The following PRELID2 variants were observed in gnomAD, a reference collection of about 807,000 sequenced individuals.
The protein encoded by PRELID2 is PRELI domain-containing protein 2.
A neutral mutation model predicts 28.4 loss-of-function variants in PRELID2; 25 were observed. The ratio of observed to expected loss-of-function variants is 0.88; its 90% CI spans 0.64 to 1.23. PRELID2 has a LOEUF of 1.23. PRELID2 is among the 50% of genes most tolerant of loss of function. The pLI, the probability that PRELID2 is intolerant of heterozygous loss-of-function variation, is 0.00. For missense variants in PRELID2, 201 were observed against 214.4 expected, an observed-to-expected ratio of 0.94 and a Z score of 0.39; for synonymous variants, 76 against 71.6, an observed-to-expected ratio of 1.06 and a Z score of -0.31.
At chr5:145,587,465 G>C (rs971572681) in intron 1 of PRELID2, among the ~76,000 whole-genome samples, 1 of 152,074 alleles carries the variant, frequency 6.6e-6, no homozygotes, top group Non-Finnish European at 1.5e-5. Context: ...AACATCTGCT[G>C]ACAGGGCATA....
intron 1 of PRELID2, among the ~76,000 whole-genome samples, chr5:145,554,474 C>T (rs776003297): frequency 1.1e-4 from 16 of 152,202 alleles, no homozygotes; most frequent in Admixed American, 4.6e-4. Flanking sequence ...GTGATAGAAG[C>T]TGCACTCAGA....
intron 1 of PRELID2, among the ~76,000 whole-genome samples, chr5:145,608,380 C>T (rs112446765): frequency 3.1e-4 from 47 of 152,230 alleles, no homozygotes; most frequent in African/African-American, 1.1e-3. Flanking sequence ...TGGCTGGTAA[C>T]AGTCTTTCTT....
At chr5:145,463,702 A>T in the PRELID2 span, among the ~76,000 whole-genome samples, 1 of 152,312 alleles carries the variant, frequency 6.6e-6, no homozygotes, top group African/African-American at 2.4e-5. Context: ...AGAAGCCTAC[A>T]GGGGCCTGAA....
At chr5:145,405,702 GTT>G in the PRELID2 span, among the ~76,000 whole-genome samples, 9 of 54,624 alleles carry the variant, frequency 1.6e-4, no homozygotes, top group East Asian at 4.8e-4. Flanking sequence ...CCACATAGTT[GTT>G]TTTTTTTTTT....
At chr5:145,349,692 T>C in the PRELID2 span, among the ~76,000 whole-genome samples, 1 of 152,168 alleles carries the variant, frequency 6.6e-6, no homozygotes, top group Admixed American at 6.6e-5. Context: ...TATAATAGCA[T>C]ACATTAAAGA....
the PRELID2 span, among the ~76,000 whole-genome samples, chr5:145,267,307 C>T: frequency 9.9e-4 from 150 of 152,192 alleles, 1 homozygote; most frequent in Non-Finnish European, 1.9e-3. Context: ...TTTCCCAGCC[C>T]ACTGACCCAA....
chr5:145,262,075 C>A, the PRELID2 span, among the ~76,000 whole-genome samples: 1 of 152,138 alleles, frequency 6.6e-6, no homozygotes, highest in East Asian at 1.9e-4. Context: ...GCAATAGAAT[C>A]AAACAAGTAG....
rs1756252091 is a variant in PRELID2, at chr5:145,728,808, A to G, written n.70+36123T>C. On this transcript the variant is annotated intron_variant and non_coding_transcript_variant, in intron 1 of 2. Coordinates refer to the PRELID2 transcript ENST00000510259. ...GGAGTAGAAGTTGTACGTTCCAATC[A>G]TAAAGGCCACAAACACCATAATGAA... 3 of 1,053,130 alleles carry G rather than the reference A, an allele frequency of 2.8e-6. No homozygotes were observed. The East Asian group carries it at 7.1e-5, about 25-fold the overall frequency. 65.2% of individuals were successfully genotyped at this position (1,053,130 alleles called of 1,614,324 possible).
chr5:145,578,572 G>C (rs567705050), intron 1 of PRELID2, among the ~76,000 whole-genome samples: 1 of 152,226 alleles, frequency 6.6e-6, no homozygotes, highest in African/African-American at 2.4e-5. Flanking sequence ...GGCAGTCCCT[G>C]CTGGAGAAAG....
intron 1 of PRELID2, among the ~76,000 whole-genome samples, chr5:145,571,758 G>C (rs1753016828): frequency 6.6e-6 from 1 of 152,084 alleles, no homozygotes; most frequent in Non-Finnish European, 1.5e-5. Flanking sequence ...GAGGCAGGTG[G>C]ATCACAAGAT....
the PRELID2 span, among the ~76,000 whole-genome samples, chr5:145,325,689 T>A: frequency 6.6e-6 from 1 of 152,170 alleles, no homozygotes; most frequent in African/African-American, 2.4e-5. Context: ...CAAACTTTGG[T>A]CTTCTAACCT....
intron 1 of PRELID2, among the ~76,000 whole-genome samples, chr5:145,701,944 G>C (rs912977168): frequency 6.6e-6 from 1 of 151,934 alleles, no homozygotes; most frequent in Non-Finnish European, 1.5e-5. Context: ...CCAGGTACTC[G>C]GGAGGCCAAG....
At chr5:145,718,035 T>G (rs966368625) in intron 1 of PRELID2, among the ~76,000 whole-genome samples, 1 of 152,030 alleles carries the variant, frequency 6.6e-6, no homozygotes, top group African/African-American at 2.4e-5. Flanking sequence ...TAATTGAAGT[T>G]CGTGGAAAGC....
At chr5:145,247,630 A>G in the PRELID2 span, among the ~76,000 whole-genome samples, 1 of 152,142 alleles carries the variant, frequency 6.6e-6, no homozygotes, top group African/African-American at 2.4e-5. Flanking sequence ...TTGAATGCCA[A>G]TCAGGCATGC....
rs1396323962 is a variant in PRELID2, at chr5:145,820,102, TTTTTTTG to T, written c.134-91_134-85del. The T allele has an allele frequency of 5.0e-3, 3,059 of 612,096 alleles. 159 individuals carry two copies. Among genetic ancestry groups the T allele is most frequent in the South Asian group, 7.3e-3 (364 of 50,008 alleles). The allele number at this position is 612,096 out of a possible 1,614,324, so 37.9% of individuals were successfully genotyped here. Reference sequence around the variant, plus strand: ...GTCAATAAATCTTGCGGGGGTGGGGTTTTTTTGTTTTTTGTTTTTTGTTTTTTTTTTT... The same window carrying T: ...GTCAATAAATCTTGCGGGGGTGGGGTTTTTTTGTTTTTTGTTTTTTTTTTT... On this transcript the variant is annotated intron_variant, in intron 2 of 6. Transcript: ENST00000683046.
intron 1 of PRELID2, among the ~76,000 whole-genome samples, chr5:145,632,544 C>A (rs1753947348): frequency 6.6e-6 from 1 of 152,106 alleles, no homozygotes; most frequent in Admixed American, 6.6e-5. Context: ...GTGACTCTAC[C>A]TGCTCAGGGA....
chr5:145,247,571 T>A, the PRELID2 span, among the ~76,000 whole-genome samples: 2 of 152,166 alleles, frequency 1.3e-5, no homozygotes, highest in African/African-American at 2.4e-5. Flanking sequence ...TTGCTCTGTA[T>A]ATGCTAACTT....
rs145542633 is a variant in PRELID2 at position 145,604,850 on chromosome 5, G to A, written n.71-131535C>T. On this transcript the variant is annotated intron_variant and non_coding_transcript_variant, in intron 1 of 2. Coordinates refer to the PRELID2 transcript ENST00000510259. The stretch of plus-strand genomic sequence containing the variant: ...GATTTGCATTTCTCTAATAATTAGC[G>A]ATGTTGACCATATTTTAATATGCTT... Among the ~76,000 whole-genome samples, 138 of 126,868 alleles carry A rather than the reference G, an allele frequency of 1.1e-3. 2 individuals are homozygous for A. In the East Asian group the frequency reaches 0.025, roughly 23 times the overall value. 83.2% of individuals were successfully genotyped at this position (126,868 alleles called of 152,430 possible). A position where few individuals can be genotyped will look rare whatever the true frequency, so the allele number is the denominator to read the frequency against.
At chr5:145,491,353 G>T (rs775292484) in intron 1 of PRELID2, among the ~76,000 whole-genome samples, 1 of 152,078 alleles carries the variant, frequency 6.6e-6, no homozygotes, top group Non-Finnish European at 1.5e-5. Flanking sequence ...ACTAGTCCCA[G>T]TCAGGAGGGC....
Sources: gnomAD v4.1 joint callset for allele counts (sites outside exome capture counted in the v4.1 genomes callset) on GRCh38, gnomAD v4.1.1 for gene constraint, MANE v1.5 for transcripts, NCBI Gene and HGNC (gene_info 2026-07-23, HGNC 2026-07-21) for gene names.